The following AHNAK variants were observed in gnomAD, a reference collection of about 807,000 sequenced individuals.
AHNAK encodes the protein neuroblast differentiation-associated protein AHNAK.
AHNAK carries 23 observed loss-of-function variants against 37.8 expected under a neutral mutation model. That is an observed-to-expected ratio of 0.61 (90% CI 0.44 to 0.86). The LOEUF (loss-of-function observed/expected upper bound fraction) is 0.86. Among genes scored for constraint, AHNAK ranks in the 40% least tolerant of loss-of-function variants. The probability of loss-of-function intolerance (pLI) is 0.00; values close to 1 mark genes in which losing one functional copy is unlikely to be tolerated. For missense variants in AHNAK, 7,411 were observed against 7,319.4 expected, an observed-to-expected ratio of 1.01 and a Z score of -0.46; for synonymous variants, 2,481 against 2,636.3, an observed-to-expected ratio of 0.94 and a Z score of 1.80.
Position 62,533,181 on chromosome 11 carries a change from A to T in AHNAK, c.1236T>A (p.Ser412Arg), listed in dbSNP as rs1940822294. Residue 412 changes from serine to arginine, a missense_variant, in exon 5 of 5, where the codon AGT (serine) becomes AGA (arginine). By Grantham distance (110) the Ser-to-Arg change is moderately radical. Coordinates refer to ENST00000378024, the MANE Select transcript of AHNAK (RefSeq NM_001620.3). ...CAATGTCAGGGGCCTGAACTTCCAC[A>T]CTGGGGCCAGTGATGCTACCCCCAA... ...PQIGGSITGP[S>R]VEVQAPDIDV... 6.5e-7 allele frequency: 1 copy of T among 1,530,982 alleles called. No homozygotes were observed. Among genetic ancestry groups the T allele is most frequent in the Admixed American group, 2.3e-5 (1 of 44,432 alleles). The allele number at this position is 1,530,982 out of a possible 1,614,324, so 94.8% of individuals were successfully genotyped here. A position where few individuals can be genotyped will look rare whatever the true frequency, so the allele number is the denominator to read the frequency against.
At position 62,518,775 on chromosome 11, in the gene AHNAK, G is replaced by A. The variant is rs148238509; in HGVS notation, c.15642C>T (p.Ser5214=). The change falls in exon 5 of 5, where the codon AGC becomes AGT. Residue 5214 remains serine (S), a synonymous_variant. Transcript: ENST00000378024. ...KGPKIKGDVP[S]VGLEGPDVDL... is the part of the protein sequence containing the mutation. ...CTACATCTGGTCCTTCCAGTCCCACGCTGGGGACATCACCCTTTATCTTTG... is the reference window on the plus strand; with the variant it reads ...CTACATCTGGTCCTTCCAGTCCCACACTGGGGACATCACCCTTTATCTTTG... 6.2e-6 allele frequency: 10 copies of A among 1,614,200 alleles called. No homozygotes were observed. Among genetic ancestry groups the A allele is most frequent in the African/African-American group, 2.7e-5 (2 of 75,046 alleles).
At position 62,527,286 on chromosome 11, in the gene AHNAK, T is replaced by G. The variant is rs140160713; in HGVS notation, c.7131A>C (p.Pro2377=). 1.7e-5 allele frequency: 28 copies of G among 1,613,848 alleles called. No homozygotes were observed. The African/African-American group carries it at 3.6e-4, about 21-fold the overall frequency. ...GKWKTPKFKM[P]DMHFKAPKIS... is the part of the protein sequence containing the mutation. The stretch of plus-strand genomic sequence containing the variant: ...TTTTGGGAGCTTTAAAGTGCATATC[T>G]GGCATCTTGAACTTAGGAGTTTTCC... The change falls in exon 5 of 5, where the codon CCA becomes CCC. Residue 2377 remains proline (P), a synonymous_variant. Coordinates refer to ENST00000378024, the MANE Select transcript of AHNAK (RefSeq NM_001620.3).
At chr11:62,462,209 C>A (rs1455952844) in intron 5 of AHNAK, among the ~76,000 whole-genome samples, 1 of 152,010 alleles carries the variant, frequency 6.6e-6, no homozygotes, top group Non-Finnish European at 1.5e-5. Context: ...TCCCCCCACC[C>A]CAACGCCCAC....
intron 4 of AHNAK, among the ~76,000 whole-genome samples, chr11:62,502,443 A>C (rs1367873737): frequency 2.0e-5 from 3 of 152,242 alleles, no homozygotes; most frequent in African/African-American, 4.8e-5. Context: ...AATTGACAGA[A>C]GGAAAATTGG....
Position 62,523,871 on chromosome 11 carries a change from C to A in AHNAK, c.10546G>T (p.Asp3516Tyr), listed in dbSNP as rs534932984. The A allele has an allele frequency of 6.2e-7, 1 of 1,614,118 alleles. No homozygotes were observed. The highest frequency in any genetic ancestry group is 8.5e-7 in the Non-Finnish European group (1 of 1,180,018). ...CCCTCCGGACCTTCCACATTGAGAT[C>A]TGGGCCCTCAATGTTCATACTTGGG... is the stretch of plus-strand genomic sequence containing the variant. ...EGPSMNIEGP[D>Y]LNVEGPEGGL... The change falls in exon 5 of 5, where the codon GAT becomes TAT. Residue 3516 changes from aspartate (D) to tyrosine (Y), a missense_variant. Physicochemically the swap from Asp to Tyr is radical, Grantham distance 160 (BLOSUM62 -3). Transcript: ENST00000378024.
chr11:62,491,922 C>G, intron 4 of AHNAK: 1 of 1,182,374 alleles, frequency 8.5e-7, no homozygotes. Flanking sequence ...GTATAAAATA[C>G]CAGAGACCCC....
chr11:62,447,760 G>A (rs1938447173), intron 5 of AHNAK, among the ~76,000 whole-genome samples: 1 of 137,566 alleles, frequency 7.3e-6, no homozygotes, highest in Non-Finnish European at 1.7e-5. Context: ...CTGCCCCCGT[G>A]GACCTCTGAA....
intron 5 of AHNAK, among the ~76,000 whole-genome samples, chr11:62,440,005 C>G (rs1353434701): frequency 1.3e-5 from 2 of 152,176 alleles, no homozygotes; most frequent in African/African-American, 4.8e-5. Flanking sequence ...TTCTGTCTTT[C>G]CTTCCCTAAA....
At position 62,523,093 on chromosome 11, in the gene AHNAK, T is replaced by C; in HGVS notation, c.11324A>G (p.Lys3775Arg). The change falls in exon 5 of 5, where the codon AAG becomes AGG. Residue 3775 changes from lysine (K) to arginine (R), a missense_variant. Physicochemically the swap from Lys to Arg is conservative, Grantham distance 26 (BLOSUM62 2). Coordinates refer to ENST00000378024, the MANE Select transcript of AHNAK (RefSeq NM_001620.3). ...VSLPKMEGDL[K>R]GPEVDIKGPK... ...GCCCTTGATGTCAACTTCAGGACCC[T>C]TGAGGTCACCTTCCATTTTGGGCAG... 2 of 1,614,084 alleles carry C rather than the reference T, an allele frequency of 1.2e-6. No homozygotes were observed. Among genetic ancestry groups the C allele is most frequent in the Non-Finnish European group, 1.7e-6 (2 of 1,180,008 alleles).
rs150703227 is a variant in AHNAK at position 62,520,890 on chromosome 11, C to T, written c.13527G>A (p.Met4509Ile). The T allele has an allele frequency of 6.2e-6, 10 of 1,614,030 alleles. No individual in the cohort carries two copies. Among genetic ancestry groups the T allele is most frequent in the South Asian group, 1.1e-5 (1 of 91,084 alleles). The change falls in exon 5 of 5, where the codon ATG becomes ATA. Residue 4509 changes from methionine (M) to isoleucine (I), a missense_variant. Physicochemically the swap from Met to Ile is conservative, Grantham distance 10. Coordinates refer to ENST00000378024, the MANE Select transcript of AHNAK (RefSeq NM_001620.3). ...EGKLKGPKFKMPDVHFKSPQI... is the reference protein window; with the variant it reads ...EGKLKGPKFKIPDVHFKSPQI... ...GTGGGCTTTTGAAATGTACATCAGG[C>T]ATCTTAAACTTGGGACCTTTGAGCT...
chr11:62,503,122 T>C (rs956481508), intron 4 of AHNAK, among the ~76,000 whole-genome samples: 14 of 152,212 alleles, frequency 9.2e-5, no homozygotes, highest in Non-Finnish European at 1.9e-4. Context: ...GTCCAATCCA[T>C]GTCAGAGTAG....
chr11:62,513,643 G>A (rs1484152014), downstream of AHNAK, among the ~76,000 whole-genome samples: 1 of 152,110 alleles, frequency 6.6e-6, no homozygotes, highest in African/African-American at 2.4e-5. Flanking sequence ...GCTGGGGTGC[G>A]CCCTCCACAC....
rs757356675 is a variant in AHNAK at position 62,524,228 on chromosome 11, T to C, written c.10189A>G (p.Lys3397Glu). The change falls in exon 5 of 5, where the codon AAA becomes GAA. Residue 3397 changes from lysine to glutamate, a missense_variant. Coordinates refer to ENST00000378024, the MANE Select transcript of AHNAK (RefSeq NM_001620.3). ...ATTTTAAACTTGGATCCTTTCACTT[T>C]TCCTTGGACCTCGACATCAGGAGCA... ...INAPDVEVQG[K>E]VKGSKFKMPF... is the part of the protein sequence containing the mutation. The C allele has an allele frequency of 1.7e-5, 28 of 1,612,728 alleles. No individual in the cohort carries two copies. Among genetic ancestry groups the C allele is most frequent in the Admixed American group, 1.3e-4 (8 of 59,720 alleles).
rs1350743444 is a variant in AHNAK at position 62,516,304 on chromosome 11, C to T, written c.*440G>A. The T allele has an allele frequency of 7.8e-7, 1 of 1,289,402 alleles. No homozygotes were observed. 79.9% of individuals were successfully genotyped at this position (1,289,402 alleles called of 1,614,324 possible). ...GATCCAGTCTCAGGAAAGAGGAAGACCTGACCTCCGTCTGCAACCCATCAC... is the reference window on the plus strand; with the variant it reads ...GATCCAGTCTCAGGAAAGAGGAAGATCTGACCTCCGTCTGCAACCCATCAC... On this transcript the variant is annotated 3_prime_UTR_variant, in exon 5 of 5. Transcript: ENST00000378024.
At chr11:62,479,318 C>A (rs1022972061) in intron 5 of AHNAK, among the ~76,000 whole-genome samples, 2 of 151,870 alleles carry the variant, frequency 1.3e-5, no homozygotes, top group East Asian at 3.9e-4. Flanking sequence ...CAGGCATGCA[C>A]CACCACGTCT....
At chr11:62,490,964 T>C (rs897131248) in intron 5 of AHNAK, among the ~76,000 whole-genome samples, 2 of 151,928 alleles carry the variant, frequency 1.3e-5, no homozygotes, top group African/African-American at 4.8e-5. Context: ...ATTTTTATAT[T>C]TCTAGTAGAG....
chr11:62,495,669 G>A (rs1565213996), intron 4 of AHNAK, among the ~76,000 whole-genome samples: 2 of 151,612 alleles, frequency 1.3e-5, no homozygotes, highest in Non-Finnish European at 2.9e-5. Context: ...AACCTGGGAG[G>A]CAGAGGTTGC....
At chr11:62,514,908 AAC>A (rs1241460893), downstream of AHNAK, among the ~76,000 whole-genome samples, 1 of 152,166 alleles carries the variant, frequency 6.6e-6, no homozygotes, top group Non-Finnish European at 1.5e-5. Flanking sequence ...GCTGGTACTA[AAC>A]AGGGAAGGAT....
intron 5 of AHNAK, among the ~76,000 whole-genome samples, chr11:62,455,476 C>A (rs550656649): frequency 1.3e-5 from 2 of 151,896 alleles, no homozygotes; most frequent in Non-Finnish European, 2.9e-5. Context: ...GAGGTCAAGG[C>A]GGGCGGATCT....
Sources: allele counts gnomAD v4.1 joint callset (sites outside exome capture counted in the v4.1 genomes callset), GRCh38; gene constraint gnomAD v4.1.1; transcripts MANE v1.5; gene names NCBI Gene and HGNC (gene_info 2026-07-23, HGNC 2026-07-21).